Variants in SAMD5 observed in about 807,000 individuals in gnomAD.
SAMD5 encodes the protein sterile alpha motif domain-containing protein 5.
Under a neutral mutation model 11.3 loss-of-function variants are expected in SAMD5, and 13 were observed. That is an observed-to-expected ratio of 1.15 (90% CI 0.75 to 1.83). SAMD5 has a LOEUF of 1.83. SAMD5 is among the 40% of genes most tolerant of loss of function. The pLI is 0.00. For synonymous variants in SAMD5, 129 were observed against 111.3 expected (o/e 1.16, Z -1.00); for missense variants, 255 against 239.1 (o/e 1.07, Z -0.44).
At chr6:147,803,317 T>C in the SAMD5 span, among the ~76,000 whole-genome samples, 2 of 152,156 alleles carry the variant, frequency 1.3e-5, no homozygotes, top group Non-Finnish European at 2.9e-5. Context: ...TCATTCCACT[T>C]GTAAAATATA....
chr6:147,753,481 G>A, the SAMD5 span, among the ~76,000 whole-genome samples: 1 of 152,070 alleles, frequency 6.6e-6, no homozygotes, highest in South Asian at 2.1e-4. Flanking sequence ...TTTGATACAG[G>A]CATGCAATGT....
intron 1 of SAMD5, among the ~76,000 whole-genome samples, chr6:147,661,352 T>A (rs145863780): frequency 1.3e-5 from 2 of 152,314 alleles, no homozygotes; most frequent in East Asian, 3.9e-4. Context: ...TCTGCTATCA[T>A]TGCAGAATGA....
chr6:147,954,509 A>G, the SAMD5 span, among the ~76,000 whole-genome samples: 1 of 152,088 alleles, frequency 6.6e-6, no homozygotes, highest in Admixed American at 6.5e-5. Flanking sequence ...TGTTTTTAAA[A>G]CCTATGGGAG....
the SAMD5 span, among the ~76,000 whole-genome samples, chr6:147,926,024 T>G: frequency 2.6e-5 from 4 of 152,244 alleles, no homozygotes; most frequent in Non-Finnish European, 4.4e-5. Flanking sequence ...ATCTTGTTCT[T>G]TTTTATGGCT....
intron 1 of SAMD5, among the ~76,000 whole-genome samples, chr6:147,601,733 G>T (rs1245445479): frequency 6.6e-6 from 1 of 152,182 alleles, no homozygotes; most frequent in East Asian, 1.9e-4. Context: ...TCATGTTACT[G>T]TTCTTCATGT....
chr6:147,511,879 ACTTTTT>A (rs1048358230), intron 1 of SAMD5, among the ~76,000 whole-genome samples: 3 of 152,188 alleles, frequency 2.0e-5, no homozygotes, highest in African/African-American at 7.2e-5. Context: ...CAGTGCTAGA[ACTTTTT>A]CTTTTCTTGT....
the SAMD5 span, among the ~76,000 whole-genome samples, chr6:147,742,732 A>G: frequency 6.6e-6 from 1 of 152,096 alleles, no homozygotes; most frequent in South Asian, 2.1e-4. Flanking sequence ...AGATTAAGAT[A>G]ATGAAGTTTC....
downstream of SAMD5, among the ~76,000 whole-genome samples, chr6:147,742,462 C>T (rs1332945965): frequency 6.6e-6 from 1 of 152,190 alleles, no homozygotes; most frequent in Non-Finnish European, 1.5e-5. Flanking sequence ...GTAGGATATA[C>T]GTACCATGCT....
At chr6:147,771,299 G>A in the SAMD5 span, among the ~76,000 whole-genome samples, 1 of 152,152 alleles carries the variant, frequency 6.6e-6, no homozygotes, top group African/African-American at 2.4e-5. Context: ...TAAGCAGTGG[G>A]TATGCCTGTG....
chr6:147,617,264 C>A (rs1789886895), intron 1 of SAMD5, among the ~76,000 whole-genome samples: 1 of 152,094 alleles, frequency 6.6e-6, no homozygotes, highest in Non-Finnish European at 1.5e-5. Flanking sequence ...GGAGAGTATA[C>A]CTTGACAAGC....
chr6:147,926,470 C>CAG, the SAMD5 span, among the ~76,000 whole-genome samples: 1 of 93,684 alleles, frequency 1.1e-5, no homozygotes, highest in Non-Finnish European at 2.0e-5. Flanking sequence ...GCTTGTTGGA[C>CAG]ACGTGTGTCT....
chr6:147,840,509 A>C, the SAMD5 span, among the ~76,000 whole-genome samples: 7 of 152,232 alleles, frequency 4.6e-5, no homozygotes, highest in African/African-American at 1.7e-4. Context: ...GAGAAAGGGC[A>C]CCTGCTCTCA....
intron 1 of SAMD5, among the ~76,000 whole-genome samples, chr6:147,676,744 T>C (rs560598321): frequency 7.2e-6 from 1 of 139,850 alleles, no homozygotes; most frequent in South Asian, 2.2e-4. Flanking sequence ...GAAGAAGCGA[T>C]AGAAATATCC....
chr6:147,780,396 C>T, the SAMD5 span, among the ~76,000 whole-genome samples: 1 of 152,030 alleles, frequency 6.6e-6, no homozygotes, highest in African/African-American at 2.4e-5. Context: ...TTAGTAGGGA[C>T]AGGATTTCAC....
chr6:147,732,086 T>C (rs1044400592), intron 1 of SAMD5, among the ~76,000 whole-genome samples: 2 of 152,150 alleles, frequency 1.3e-5, no homozygotes, highest in African/African-American at 4.8e-5. Context: ...AATGGAGGAC[T>C]GATGAAAAGC....
the SAMD5 span, among the ~76,000 whole-genome samples, chr6:147,746,341 T>G: frequency 6.6e-6 from 1 of 152,206 alleles, no homozygotes; most frequent in East Asian, 1.9e-4. Context: ...CAGGGATGGC[T>G]GCGAATGAGT....
the SAMD5 span, among the ~76,000 whole-genome samples, chr6:147,774,366 T>C: frequency 6.6e-6 from 1 of 152,170 alleles, no homozygotes; most frequent in Non-Finnish European, 1.5e-5. Context: ...AAAGTACAAT[T>C]GTCCCTTGAT....
chr6:147,762,349 C>A, the SAMD5 span, among the ~76,000 whole-genome samples: 1 of 152,056 alleles, frequency 6.6e-6, no homozygotes, highest in Admixed American at 6.6e-5. Flanking sequence ...AAGGTGTGTG[C>A]CACCACATCC....
chr6:147,839,169 C>T, the SAMD5 span, among the ~76,000 whole-genome samples: 1 of 152,178 alleles, frequency 6.6e-6, no homozygotes, highest in Non-Finnish European at 1.5e-5. Flanking sequence ...TATTCAAATT[C>T]TCACATGTGT....
Sources: allele counts gnomAD v4.1 joint callset (sites outside exome capture counted in the v4.1 genomes callset), GRCh38; gene constraint gnomAD v4.1.1; transcripts MANE v1.5; gene names NCBI Gene and HGNC (gene_info 2026-07-23, HGNC 2026-07-21).